The following SDK1 variants were observed in gnomAD, a reference collection of about 807,000 sequenced individuals.
The protein encoded by SDK1 is sidekick cell adhesion molecule 1.
A neutral mutation model predicts 245.5 loss-of-function variants in SDK1; 157 were observed. The observed-to-expected ratio is 0.64, with a 90% CI of 0.56 to 0.73. The LOEUF (loss-of-function observed/expected upper bound fraction) is 0.73. Ranked by LOEUF, SDK1 falls within the 30% of genes least tolerant of loss-of-function variation. SDK1 has a pLI of 0.00. For missense variants in SDK1, 3,583 were observed against 3,002.3 expected, an observed-to-expected ratio of 1.19 and a Z score of -4.52; for synonymous variants, 1,647 against 1,278.5, an observed-to-expected ratio of 1.29 and a Z score of -6.15.
intron 19 of SDK1, among the ~76,000 whole-genome samples, chr7:4,053,505 T>C (rs1262884136): frequency 2.0e-5 from 3 of 152,150 alleles, no homozygotes; most frequent in African/African-American, 7.2e-5. Context: ...CCCACAAATA[T>C]GTTCAGGTCT....
chr7:3,980,948 AAAAG>A (rs943327480), intron 13 of SDK1, among the ~76,000 whole-genome samples: 4 of 152,160 alleles, frequency 2.6e-5, no homozygotes, highest in African/African-American at 4.8e-5. Flanking sequence ...TCAAAAAAAA[AAAAG>A]AAAGAAAAAA....
In SDK1 at chr7:3,350,475, G is replaced by C. The variant is rs78723706; in HGVS notation, c.298+48591G>C. Among the ~76,000 whole-genome samples the C allele has an allele frequency of 3.2e-3, 486 of 152,220 alleles. 3 individuals carry two copies. Among genetic ancestry groups the C allele is most frequent in the African/African-American group, 0.011 (458 of 41,544 alleles). On this transcript the variant is annotated intron_variant, in intron 1 of 44. Coordinates refer to ENST00000404826, the MANE Select transcript of SDK1 (RefSeq NM_152744.4). ...GTAGTGGGACAGATTACATTGCCCA[G>C]AAGAGTTCAGTATTCAGTCTTCTTG...
rs754389256 is a variant in SDK1 at position 4,145,873 on chromosome 7, G to C, written c.4380G>C (p.Trp1460Cys). 6 of 1,613,336 alleles carry C rather than the reference G, an allele frequency of 3.7e-6. No homozygotes were observed. The East Asian group carries it at 8.9e-5, about 24-fold the overall frequency. ...TGTCCGCCAAGACGAGGCAGGGCTG[G>C]GGGGAGCCACTGGAGGCCACCGTCA... ...FRLSAKTRQG[W>C]GEPLEATVIT... Residue 1460 changes from tryptophan (W) to cysteine (C), a missense_variant, in exon 29 of 45, where the codon TGG becomes TGC. Coordinates refer to ENST00000404826, the MANE Select transcript of SDK1 (RefSeq NM_152744.4).
chr7:4,150,901 G>A (rs1780333765), intron 30 of SDK1, among the ~76,000 whole-genome samples: 1 of 152,252 alleles, frequency 6.6e-6, no homozygotes, highest in Non-Finnish European at 1.5e-5. Context: ...GGGCGTCTCA[G>A]TACAGAGCTG....
At chr7:4,202,282 G>A (rs1003014280) in intron 35 of SDK1, among the ~76,000 whole-genome samples, 22 of 152,210 alleles carry the variant, frequency 1.4e-4, no homozygotes, top group African/African-American at 5.3e-4. Flanking sequence ...TTTTGGCAGC[G>A]TTAGGCTGGG....
At chr7:3,623,440 CA>C (rs1441447348) in intron 2 of SDK1, among the ~76,000 whole-genome samples, 1 of 151,846 alleles carries the variant, frequency 6.6e-6, no homozygotes, top group Non-Finnish European at 1.5e-5. Context: ...GGGGTTTCAC[CA>C]TGATGGCCAG....
intron 4 of SDK1, among the ~76,000 whole-genome samples, chr7:3,665,565 G>C (rs1783498735): frequency 6.6e-6 from 1 of 152,170 alleles, no homozygotes; most frequent in African/African-American, 2.4e-5. Flanking sequence ...GCTTTGTCTT[G>C]TGCCTGACTA....
chr7:3,587,638 G>A (rs559781230), intron 1 of SDK1, among the ~76,000 whole-genome samples: 165 of 152,298 alleles, frequency 1.1e-3, no homozygotes, highest in Non-Finnish European at 2.0e-3. Flanking sequence ...GGGGATGGCC[G>A]TCTGTTTTAC....
intron 4 of SDK1, among the ~76,000 whole-genome samples, chr7:3,709,664 G>C (rs562614268): frequency 6.6e-6 from 1 of 152,140 alleles, no homozygotes; most frequent in Admixed American, 6.5e-5. Flanking sequence ...AGGGGGAGAC[G>C]CATGCTAACA....
intron 14 of SDK1, among the ~76,000 whole-genome samples, chr7:3,993,857 A>G (rs1016861216): frequency 1.2e-4 from 18 of 151,976 alleles, no homozygotes; most frequent in African/African-American, 4.4e-4. Flanking sequence ...CTGAGGCCAT[A>G]TTGTCGTTGT....
At chr7:3,944,162 C>G (rs981329532) in intron 5 of SDK1, among the ~76,000 whole-genome samples, 2 of 152,200 alleles carry the variant, frequency 1.3e-5, no homozygotes, top group Admixed American at 6.5e-5. Flanking sequence ...GAAAGATTAT[C>G]AACTTTGGAT....
chr7:3,480,456 C>G (rs982665899), intron 1 of SDK1, among the ~76,000 whole-genome samples: 2 of 151,334 alleles, frequency 1.3e-5, no homozygotes, highest in East Asian at 3.9e-4. Flanking sequence ...TTCCGTGTTC[C>G]AGATAAGCTG....
At chr7:3,997,557 G>A (rs1470199553) in intron 14 of SDK1, among the ~76,000 whole-genome samples, 1 of 152,134 alleles carries the variant, frequency 6.6e-6, no homozygotes, top group Non-Finnish European at 1.5e-5. Flanking sequence ...GCCTTGGAGA[G>A]GTTGTTCAAT....
intron 4 of SDK1, among the ~76,000 whole-genome samples, chr7:3,784,370 C>G (rs1780837994): frequency 6.6e-6 from 1 of 151,938 alleles, no homozygotes; most frequent in African/African-American, 2.4e-5. Context: ...ATATAAAAAT[C>G]AACTCAAAAT....
At chr7:3,464,698 G>GTGTGTATA (rs1554275277) in intron 1 of SDK1, among the ~76,000 whole-genome samples, 2 of 148,050 alleles carry the variant, frequency 1.4e-5, no homozygotes, top group African/African-American at 5.1e-5. Context: ...GTGTATGTAT[G>GTGTGTATA]TATATATATA....
chr7:4,233,373 T>C lies in SDK1; in HGVS notation c.5946T>C (p.Asn1982=), dbSNP rs1785926543. 3 of 1,613,678 alleles carry C rather than the reference T, an allele frequency of 1.9e-6. No homozygotes were observed. The highest frequency in any genetic ancestry group is 1.3e-5 in the African/African-American group (1 of 75,048). Residue 1982 remains asparagine, a synonymous_variant, in exon 41 of 45, where the codon AAT becomes AAC. Transcript: ENST00000404826. ...ACGAGTTCCGGGTGGTGGCTGTGAATGAGGCGGGCTACGGGGAGCCCAGCA... is the reference window on the plus strand; with the variant it reads ...ACGAGTTCCGGGTGGTGGCTGTGAACGAGGCGGGCTACGGGGAGCCCAGCA... ...VTYEFRVVAV[N]EAGYGEPSNP...
At chr7:3,519,799 G>A (rs574859477) in intron 1 of SDK1, among the ~76,000 whole-genome samples, 11 of 152,100 alleles carry the variant, frequency 7.2e-5, no homozygotes, top group African/African-American at 2.4e-4. Flanking sequence ...AGATAAAAAC[G>A]GCAAGTCTAG....
At chr7:3,565,316 A>C (rs559126787) in intron 1 of SDK1, among the ~76,000 whole-genome samples, 26 of 152,278 alleles carry the variant, frequency 1.7e-4, no homozygotes, top group Non-Finnish European at 3.1e-4. Context: ...TATGGTTGTT[A>C]TCTGTCAGAC....
chr7:3,563,468 T>A (rs1562565359), intron 1 of SDK1, among the ~76,000 whole-genome samples: 1 of 152,072 alleles, frequency 6.6e-6, no homozygotes, highest in Non-Finnish European at 1.5e-5. Context: ...TTATTAAAGA[T>A]GAAGAGGAAT....
Sources: allele counts gnomAD v4.1 joint callset (sites outside exome capture counted in the v4.1 genomes callset), GRCh38; gene constraint gnomAD v4.1.1; transcripts MANE v1.5; gene names NCBI Gene and HGNC (gene_info 2026-07-23, HGNC 2026-07-21).